The following TNFSF11 variants were observed in gnomAD, a reference collection of about 807,000 sequenced individuals.
TNFSF11 encodes tumor necrosis factor ligand superfamily member 11.
TNFSF11 carries 12 observed loss-of-function variants against 32.2 expected under a neutral mutation model. The observed-to-expected ratio is 0.37, with a 90% CI of 0.24 to 0.60. The LOEUF is 0.60. TNFSF11 is among the 20% of genes least tolerant of loss of function. TNFSF11 has a pLI of 0.66. For missense variants in TNFSF11, 345 were observed against 398.0 expected, an observed-to-expected ratio of 0.87 and a Z score of 1.13; for synonymous variants, 172 against 152.1, an observed-to-expected ratio of 1.13 and a Z score of -0.96.
intron 1 of TNFSF11, among the ~76,000 whole-genome samples, chr13:42,565,223 TATA>T (rs1168110036): frequency 0.01 from 193 of 18,690 alleles, no homozygotes; most frequent in Admixed American, 0.029. Flanking sequence ...TATATATATA[TATA>T]TATATTTTTT....
chr13:42,588,264 T>C (rs1054623800), intron 2 of TNFSF11, among the ~76,000 whole-genome samples: 9 of 152,228 alleles, frequency 5.9e-5, no homozygotes, highest in African/African-American at 2.2e-4. Context: ...CAATAAGTTA[T>C]TGGCTTGTAC....
intron 4 of TNFSF11, among the ~76,000 whole-genome samples, chr13:42,602,977 G>A (rs443188): frequency 0.01 from 1,540 of 152,270 alleles, 23 homozygotes; most frequent in African/African-American, 0.035. Flanking sequence ...GACAGTTATT[G>A]AGTTTGTGAC....
intron 4 of TNFSF11, 105 bp from the exon 5 acceptor site, chr13:42,606,392 A>T: frequency 7.3e-7 from 1 of 1,361,604 alleles, no homozygotes; most frequent in Non-Finnish European, 1.0e-6. Context: ...TCCCTTTGAA[A>T]TAATGACTGC....
At chr13:42,574,762 G>T (rs1168834191) in intron 1 of TNFSF11, among the ~76,000 whole-genome samples, 1 of 152,202 alleles carries the variant, frequency 6.6e-6, no homozygotes, top group Non-Finnish European at 1.5e-5. Context: ...TCTGGGGGCG[G>T]ACTCCCCTGG....
chr13:42,579,097 A>G (rs947328053), intron 1 of TNFSF11, among the ~76,000 whole-genome samples: 1 of 152,192 alleles, frequency 6.6e-6, no homozygotes, highest in Admixed American at 6.5e-5. Context: ...TACCCTGAGT[A>G]TCAAGAATAT....
intron 1 of TNFSF11, among the ~76,000 whole-genome samples, chr13:42,579,737 T>A (rs1389093042): frequency 7.5e-6 from 1 of 133,676 alleles, no homozygotes; most frequent in Non-Finnish European, 1.6e-5. Flanking sequence ...TTGCAAAGTG[T>A]CTGATTGAAA....
chr13:42,599,964 A>G (rs875625), intron 2 of TNFSF11, among the ~76,000 whole-genome samples: 71,632 of 151,976 alleles, frequency 0.47, 17,368 homozygotes, highest in Non-Finnish European at 0.53. Context: ...CCGTTTATGC[A>G]GGAACTTGAA....
At chr13:42,566,762 G>A (rs1192398279) in exon 2 of TNFSF11, 1 of 152,156 alleles carries the variant, frequency 6.6e-6, no homozygotes. Flanking sequence ...GGGAGGCCGA[G>A]GTAAGCAGAT....
chr13:42,582,222 A>T (rs142230688), intron 2 of TNFSF11, among the ~76,000 whole-genome samples: 7 of 152,234 alleles, frequency 4.6e-5, no homozygotes, highest in Non-Finnish European at 1.0e-4. Flanking sequence ...ATATAGTAAT[A>T]TAATTATTTA....
chr13:42,574,554 T>C (rs1873213839), intron 1 of TNFSF11, 32 bp downstream of exon 1: 2 of 1,595,710 alleles, frequency 1.3e-6, no homozygotes, highest in Non-Finnish European at 8.5e-7. Flanking sequence ...GGATCGCGGC[T>C]GAGAGCGCCC....
intron 4 of TNFSF11, among the ~76,000 whole-genome samples, chr13:42,602,710 C>A (rs1177430292): frequency 6.6e-6 from 1 of 152,180 alleles, no homozygotes; most frequent in African/African-American, 2.4e-5. Context: ...GTATTAATTT[C>A]TCTGAGTGGA....
At chr13:42,587,771 G>A (rs987560699) in intron 2 of TNFSF11, among the ~76,000 whole-genome samples, 1 of 152,202 alleles carries the variant, frequency 6.6e-6, no homozygotes, top group African/African-American at 2.4e-5. Context: ...CTACATATGG[G>A]AAACAGATCC....
At chr13:42,590,410 T>A (rs888518157) in intron 2 of TNFSF11, among the ~76,000 whole-genome samples, 1 of 152,184 alleles carries the variant, frequency 6.6e-6, no homozygotes, top group Non-Finnish European at 1.5e-5. Flanking sequence ...GGGTTGGGGG[T>A]GCTCCTTCAC....
intron 2 of TNFSF11, among the ~76,000 whole-genome samples, chr13:42,598,207 T>C (rs1196572049): frequency 6.6e-6 from 1 of 152,130 alleles, no homozygotes; most frequent in Non-Finnish European, 1.5e-5. Context: ...TTTGTAGGTA[T>C]ATGCTAGACT....
At chr13:42,568,978 T>G (rs553536159) in intron 2 of TNFSF11, among the ~76,000 whole-genome samples, 1 of 152,222 alleles carries the variant, frequency 6.6e-6, no homozygotes, top group South Asian at 2.1e-4. Context: ...CTGAAAAGAC[T>G]TTAATTTGAA....
intron 1 of TNFSF11, among the ~76,000 whole-genome samples, chr13:42,578,655 C>T (rs374481228): frequency 6.6e-6 from 1 of 151,698 alleles, no homozygotes; most frequent in Non-Finnish European, 1.5e-5. Flanking sequence ...CTCAACTGCA[C>T]ATTGAAAGTA....
chr13:42,591,912 G>A (rs1243585602), intron 2 of TNFSF11, among the ~76,000 whole-genome samples: 1 of 152,188 alleles, frequency 6.6e-6, no homozygotes, highest in Non-Finnish European at 1.5e-5. Flanking sequence ...ATGTACAGGA[G>A]GGCAGAGTTC....
At chr13:42,596,300 C>G (rs2137895028) in intron 2 of TNFSF11, among the ~76,000 whole-genome samples, 2 of 152,228 alleles carry the variant, frequency 1.3e-5, no homozygotes, top group East Asian at 3.9e-4. Context: ...TTTTCTGAAG[C>G]CCCTGGGAAT....
At chr13:42,603,035 G>A (rs1358966511) in intron 4 of TNFSF11, among the ~76,000 whole-genome samples, 3 of 152,160 alleles carry the variant, frequency 2.0e-5, no homozygotes, top group East Asian at 3.8e-4. Flanking sequence ...AATAGAATTT[G>A]TGGCTCTGGC....
Sources: allele counts gnomAD v4.1 joint callset (sites outside exome capture counted in the v4.1 genomes callset), GRCh38; gene constraint gnomAD v4.1.1; transcripts MANE v1.5; gene names NCBI Gene and HGNC (gene_info 2026-07-23, HGNC 2026-07-21).